Variants in XIRP2 observed in about 807,000 individuals in gnomAD.
The protein encoded by XIRP2 is xin actin binding repeat containing 2, also known as xin actin-binding repeat-containing protein 2.
In XIRP2, 236 loss-of-function variants were observed where a neutral mutation model predicts 277.0. That is an observed-to-expected ratio of 0.85 (90% CI 0.77 to 0.95). The LOEUF is 0.95. XIRP2 is among the 40% of genes least tolerant of loss of function. The probability of loss-of-function intolerance (pLI) is 0.00; values close to 1 mark genes in which losing one functional copy is unlikely to be tolerated. For missense variants in XIRP2, 4,640 were observed against 4,157.5 expected, an observed-to-expected ratio of 1.12 and a Z score of -3.19; for synonymous variants, 1,490 against 1,416.5, an observed-to-expected ratio of 1.05 and a Z score of -1.17.
chr2:166,971,668 C>G (rs1454254934), intron 2 of XIRP2, among the ~76,000 whole-genome samples: 2 of 151,992 alleles, frequency 1.3e-5, no homozygotes, highest in Non-Finnish European at 2.9e-5. Context: ...TGCAAAGTCA[C>G]TCTACAAAAT....
At chr2:167,129,051 A>G (rs1691298754) in intron 2 of XIRP2, among the ~76,000 whole-genome samples, 2 of 152,208 alleles carry the variant, frequency 1.3e-5, no homozygotes, top group African/African-American at 4.8e-5. Context: ...GAGAAGGTAC[A>G]GTCTTCCAGG....
chr2:167,161,572 C>A (rs1692364686), intron 3 of XIRP2, among the ~76,000 whole-genome samples: 1 of 152,306 alleles, frequency 6.6e-6, no homozygotes, highest in Non-Finnish European at 1.5e-5. Flanking sequence ...CCCCTTCCAG[C>A]CACAGCTGGA....
At position 166,903,665 on chromosome 2, in the gene XIRP2, T is replaced by C. The variant is rs765090764; in HGVS notation, c.183T>C (p.Ser61=). 3 of 1,613,528 alleles carry C rather than the reference T, an allele frequency of 1.9e-6. No homozygotes were observed. In the African/African-American group the frequency reaches 4.0e-5, roughly 22 times the overall value. ...VSAPQSLDPT[S]LPYSTGEEMW... ...CACCTCAATCTTTGGATCCCACAAG[T>C]CTGCCCTACAGTACAGGGGAAGAGA... Residue 61 remains serine, a synonymous_variant, in exon 2 of 11, where the codon AGT becomes AGC. Coordinates refer to ENST00000409195, the MANE Select transcript of XIRP2 (RefSeq NM_152381.6).
At chr2:167,045,676 A>G (rs1574200716) in intron 2 of XIRP2, among the ~76,000 whole-genome samples, 1 of 152,104 alleles carries the variant, frequency 6.6e-6, no homozygotes, top group Non-Finnish European at 1.5e-5. Flanking sequence ...AATCAAAACC[A>G]CAATGAGATA....
At chr2:167,257,063 TTC>T (rs1695675313) in intron 10 of XIRP2, among the ~76,000 whole-genome samples, 1 of 151,968 alleles carries the variant, frequency 6.6e-6, no homozygotes, top group Admixed American at 6.6e-5. Flanking sequence ...TCAGCTGCTG[TTC>T]TCTGATTGGC....
chr2:167,227,797 A>C (rs921357600), intron 5 of XIRP2, among the ~76,000 whole-genome samples: 1 of 152,178 alleles, frequency 6.6e-6, no homozygotes, highest in Non-Finnish European at 1.5e-5. Context: ...CAAAACAATC[A>C]GAACAAAAAT....
At chr2:167,120,507 C>T (rs181177609) in intron 2 of XIRP2, among the ~76,000 whole-genome samples, 19 of 152,124 alleles carry the variant, frequency 1.2e-4, no homozygotes, top group East Asian at 9.7e-4. Context: ...AATAATTATT[C>T]GAATGATCAC....
In XIRP2 at chr2:167,218,224, A is replaced by C. The variant is rs1694315757; in HGVS notation, c.782A>C (p.Gln261Pro). 1 of 1,609,060 alleles carries C rather than the reference A, an allele frequency of 6.2e-7. No individual in the cohort carries two copies. The highest frequency in any genetic ancestry group is 8.5e-7 in the Non-Finnish European group (1 of 1,177,784). ...VPGGLAKVKK[Q>P]FEDEITSSRN... The stretch of plus-strand genomic sequence containing the variant: ...GGTGGTTTGGCCAAGGTGAAGAAAC[A>C]ATTTGAGGACGAAATTACTTCTTCC... The change falls in exon 5 of 11, where the codon CAA becomes CCA. Residue 261 changes from glutamine (Q) to proline (P), a missense_variant. Physicochemically the swap from Gln to Pro is moderately conservative, Grantham distance 76. Coordinates refer to ENST00000409195, the MANE Select transcript of XIRP2 (RefSeq NM_152381.6).
Position 167,245,420 on chromosome 2 carries a change from T to C in XIRP2, c.4028T>C (p.Ile1343Thr), listed in dbSNP as rs748456865. The change falls in exon 9 of 11, where the codon ATT (isoleucine) becomes ACT (threonine). Residue 1343 changes from isoleucine to threonine, a missense_variant. By Grantham distance (89) the Ile-to-Thr change is moderately conservative (BLOSUM62 -1). Coordinates refer to ENST00000409195, the MANE Select transcript of XIRP2 (RefSeq NM_152381.6). ...EVTTVKKEEV[I>T]HGDVRGTRWL... ...ACCACAGTTAAAAAAGAAGAGGTAA[T>C]TCATGGAGATGTGCGAGGAACAAGG... 7 of 1,613,568 alleles carry C rather than the reference T, an allele frequency of 4.3e-6. No individual in the cohort carries two copies. Among genetic ancestry groups the C allele is most frequent in the Admixed American group, 1.7e-5 (1 of 59,972 alleles).
At chr2:167,142,918 A>G (rs1382512952) in intron 3 of XIRP2, among the ~76,000 whole-genome samples, 2 of 152,044 alleles carry the variant, frequency 1.3e-5, no homozygotes, top group Admixed American at 6.6e-5. Context: ...GAAAAAATGG[A>G]AAGAAGGAAA....
intron 4 of XIRP2, among the ~76,000 whole-genome samples, chr2:167,216,169 C>A (rs1694242624): frequency 1.0e-5 from 1 of 99,500 alleles, no homozygotes; most frequent in South Asian, 4.2e-4. Flanking sequence ...GACCTAAAAC[C>A]ATAAAAACCC....
intron 2 of XIRP2, among the ~76,000 whole-genome samples, chr2:167,010,822 C>T (rs560135126): frequency 6.6e-6 from 1 of 151,926 alleles, no homozygotes; most frequent in Non-Finnish European, 1.5e-5. Context: ...ATTTTATTCT[C>T]TTTGAAGCAA....
intron 2 of XIRP2, among the ~76,000 whole-genome samples, chr2:167,063,330 T>G (rs972897248): frequency 2.6e-5 from 4 of 151,992 alleles, no homozygotes; most frequent in Admixed American, 6.6e-5. Flanking sequence ...CAGAATATGG[T>G]TTATTTTGCA....
intron 3 of XIRP2, among the ~76,000 whole-genome samples, chr2:167,180,842 T>C (rs1367674233): frequency 6.6e-6 from 1 of 152,226 alleles, no homozygotes; most frequent in Non-Finnish European, 1.5e-5. Flanking sequence ...ATTTTTCTTA[T>C]TGTGCCATCA....
intron 2 of XIRP2, among the ~76,000 whole-genome samples, chr2:167,115,092 C>G (rs908276973): frequency 6.6e-6 from 1 of 152,186 alleles, no homozygotes; most frequent in Non-Finnish European, 1.5e-5. Flanking sequence ...TTCTCCACAT[C>G]CTCTCCAGCA....
intron 2 of XIRP2, among the ~76,000 whole-genome samples, chr2:167,079,070 G>A (rs1287143434): frequency 2.0e-5 from 3 of 152,102 alleles, no homozygotes; most frequent in Admixed American, 6.5e-5. Context: ...TATCATGAAA[G>A]GATGTTGGAT....
intron 3 of XIRP2, among the ~76,000 whole-genome samples, chr2:167,145,402 G>C (rs1558996046): frequency 6.6e-6 from 1 of 152,108 alleles, no homozygotes; most frequent in Non-Finnish European, 1.5e-5. Context: ...AATTATTAAA[G>C]AAGTCATTGG....
intron 2 of XIRP2, among the ~76,000 whole-genome samples, chr2:167,033,543 A>G (rs1476715940): frequency 2.6e-5 from 4 of 152,176 alleles, no homozygotes; most frequent in African/African-American, 9.6e-5. Context: ...AGCAGATTTT[A>G]CCCAAATAAG....
At chr2:167,114,324 CT>C (rs1170341772) in intron 2 of XIRP2, among the ~76,000 whole-genome samples, 3 of 151,940 alleles carry the variant, frequency 2.0e-5, no homozygotes, top group African/African-American at 7.2e-5. Flanking sequence ...TTTGTTTATT[CT>C]TTTTTATTTA....
Sources: allele counts gnomAD v4.1 joint callset (sites outside exome capture counted in the v4.1 genomes callset), GRCh38; gene constraint gnomAD v4.1.1; transcripts MANE v1.5; gene names NCBI Gene and HGNC (gene_info 2026-07-23, HGNC 2026-07-21).